The following PCSK5 variants were observed in gnomAD, a reference collection of about 807,000 sequenced individuals.
PCSK5 encodes prohormone convertase 5.
PCSK5 carries 129 observed loss-of-function variants against 233.2 expected under a neutral mutation model. The ratio of observed to expected loss-of-function variants is 0.55; its 90% CI spans 0.48 to 0.64. PCSK5 has a LOEUF of 0.64. Among genes scored for constraint, PCSK5 ranks in the 30% least tolerant of loss-of-function variants. The probability of loss-of-function intolerance (pLI) is 0.00; values close to 1 mark genes in which losing one functional copy is unlikely to be tolerated. For synonymous variants in PCSK5, 825 were observed against 879.2 expected (o/e 0.94, Z 1.09); for missense variants, 2,076 against 2,430.1 (o/e 0.85, Z 3.06).
At chr9:76,068,188 AC>A in intron 6 of PCSK5, 145 bp downstream of exon 6, 1 of 588,354 alleles carries the variant, frequency 1.7e-6, no homozygotes, top group Non-Finnish European at 3.1e-6. Context: ...CCCCAACATG[AC>A]CATGTTAGCA....
At chr9:76,235,955 G>A (rs192690710) in intron 22 of PCSK5, among the ~76,000 whole-genome samples, 2 of 152,194 alleles carry the variant, frequency 1.3e-5, no homozygotes, top group African/African-American at 4.8e-5. Flanking sequence ...TCCAGCCGGG[G>A]TGTCCCATCA....
intron 1 of PCSK5, among the ~76,000 whole-genome samples, chr9:75,909,549 T>G (rs62559223): frequency 0.11 from 16,672 of 151,530 alleles, 1,362 homozygotes; most frequent in African/African-American, 0.23. Flanking sequence ...TACAAAATTA[T>G]CCAGGTGTGG....
At chr9:75,950,182 T>A (rs1824789300) in intron 2 of PCSK5, among the ~76,000 whole-genome samples, 1 of 148,190 alleles carries the variant, frequency 6.7e-6, no homozygotes. Flanking sequence ...ACAGCTAACC[T>A]CAGAGCTGCC....
rs1830446054 is a variant in PCSK5 at position 76,362,545 on chromosome 9, A to G, written c.*3623A>G. 6.6e-6 allele frequency among the ~76,000 whole-genome samples: 1 copy of G among 152,206 alleles called. No individual in the cohort carries two copies. The highest frequency in any genetic ancestry group is 1.5e-5 in the Non-Finnish European group (1 of 68,026). On this transcript the variant is annotated 3_prime_UTR_variant, in exon 38 of 38. Coordinates refer to ENST00000674117, the MANE Select transcript of PCSK5 (RefSeq NM_001372043.1). ...CAATCTGTCTTTCTGCCTCATCAGC[A>G]CTGCCTCAATCTAAGGGAGGAAACC...
chr9:75,979,902 T>C (rs1826201216), intron 2 of PCSK5, among the ~76,000 whole-genome samples: 1 of 152,238 alleles, frequency 6.6e-6, no homozygotes, highest in Non-Finnish European at 1.5e-5. Flanking sequence ...GCTGTTTTGT[T>C]CACTGCCATC....
At chr9:75,948,319 C>T (rs1824677619) in intron 2 of PCSK5, among the ~76,000 whole-genome samples, 1 of 142,216 alleles carries the variant, frequency 7.0e-6, no homozygotes, top group South Asian at 2.5e-4. Flanking sequence ...CGCCCCCCCA[C>T]CCCCCGAAAG....
intron 4 of PCSK5, 48 bp from the exon 5 acceptor site, chr9:76,026,913 T>C: frequency 7.7e-7 from 1 of 1,291,712 alleles, no homozygotes; most frequent in Non-Finnish European, 1.1e-6. Context: ...ATTGGCTAAT[T>C]AATGAATGTC....
At chr9:76,181,962 G>A (rs1029476059) in intron 16 of PCSK5, among the ~76,000 whole-genome samples, 3 of 152,194 alleles carry the variant, frequency 2.0e-5, no homozygotes, top group South Asian at 2.1e-4. Context: ...AATGCGTGAC[G>A]ACGTGCATGA....
At chr9:76,032,987 A>G (rs772636411) in intron 5 of PCSK5, among the ~76,000 whole-genome samples, 23 of 152,184 alleles carry the variant, frequency 1.5e-4, no homozygotes, top group South Asian at 6.2e-4. Flanking sequence ...TAGATTTTTC[A>G]TGTTGTTTCT....
At chr9:76,257,930 A>G (rs2842472) in intron 24 of PCSK5, among the ~76,000 whole-genome samples, 36,606 of 152,150 alleles carry the variant, frequency 0.24, 4,543 homozygotes, top group Middle Eastern at 0.35. Flanking sequence ...TTTTCCATAA[A>G]GACAGTGTGT....
At position 76,026,957 on chromosome 9, in the gene PCSK5, A is replaced by G. The variant is rs1828450817; in HGVS notation, c.556-4A>G. 2.5e-6 allele frequency: 4 copies of G among 1,607,064 alleles called. No homozygotes were observed. The highest frequency in any genetic ancestry group is 3.4e-6 in the Non-Finnish European group (4 of 1,175,014). ...TTCCCTTGCTCTCTCCTCTGTGGCC[A>G]TAGGATGCTCTGGCAAGTTGCGACG... On this transcript the variant is annotated splice_region_variant and splice_polypyrimidine_tract_variant and intron_variant, in intron 4 of 37. Transcript: ENST00000674117.
At chr9:76,209,855 CAG>C (rs574058963) in intron 20 of PCSK5, among the ~76,000 whole-genome samples, 6 of 151,856 alleles carry the variant, frequency 4.0e-5, no homozygotes, top group Non-Finnish European at 8.8e-5. Flanking sequence ...CAACCAAGCA[CAG>C]AAAGAATTAA....
chr9:75,993,788 A>C (rs764283509), intron 3 of PCSK5, among the ~76,000 whole-genome samples: 2 of 152,230 alleles, frequency 1.3e-5, no homozygotes, highest in Non-Finnish European at 2.9e-5. Flanking sequence ...TAAATCACAC[A>C]GAAAGCACTT....
intron 5 of PCSK5, among the ~76,000 whole-genome samples, chr9:76,066,790 G>A (rs1830303663): frequency 6.6e-6 from 1 of 152,196 alleles, no homozygotes; most frequent in African/African-American, 2.4e-5. Context: ...TAGTTGCACA[G>A]AGAGTAGTGG....
chr9:76,311,270 T>C (rs1242733875), intron 30 of PCSK5, among the ~76,000 whole-genome samples: 1 of 151,850 alleles, frequency 6.6e-6, no homozygotes, highest in East Asian at 1.9e-4. Flanking sequence ...GGTGGGAGGA[T>C]TCCTTGAGCC....
rs375328124 is a variant in PCSK5 at position 76,023,893 on chromosome 9, C to A, written c.555+12C>A. ...TGATGCAAAACTACGTGAGTGTATGCTGTGGTTAGAAGGTCTTTCCTTCTG... is the reference window on the plus strand; with the variant it reads ...TGATGCAAAACTACGTGAGTGTATGATGTGGTTAGAAGGTCTTTCCTTCTG... On this transcript the variant is annotated intron_variant, in intron 4 of 37. Coordinates refer to ENST00000674117, the MANE Select transcript of PCSK5 (RefSeq NM_001372043.1). The A allele has an allele frequency of 6.3e-5, 100 of 1,597,254 alleles. No homozygotes were observed. Among genetic ancestry groups the A allele is most frequent in the Non-Finnish European group, 8.2e-5 (96 of 1,172,032 alleles).
At chr9:76,213,942 G>T (rs577860026) in intron 20 of PCSK5, among the ~76,000 whole-genome samples, 1 of 152,130 alleles carries the variant, frequency 6.6e-6, no homozygotes, top group Admixed American at 6.5e-5. Flanking sequence ...AATCTGATTT[G>T]CAGTTCAACA....
In PCSK5 at chr9:76,277,162, G is replaced by T. The variant is rs116074722; in HGVS notation, c.3143-15071G>T. Among the ~76,000 whole-genome samples the T allele has an allele frequency of 1.0e-3, 157 of 152,170 alleles. 2 individuals carry two copies. Among genetic ancestry groups the T allele is most frequent in the Non-Finnish European group, 2.1e-3 (140 of 67,990 alleles). On this transcript the variant is annotated intron_variant, in intron 24 of 37. Coordinates refer to ENST00000674117, the MANE Select transcript of PCSK5 (RefSeq NM_001372043.1). ...GGAGAATCGCCTGAATCTGGGAGCC[G>T]GAGGTTGCAGTGAGATCATGCCACT...
At chr9:76,045,963 T>G (rs1405324766) in intron 5 of PCSK5, among the ~76,000 whole-genome samples, 2 of 152,114 alleles carry the variant, frequency 1.3e-5, no homozygotes, top group African/African-American at 2.4e-5. Flanking sequence ...GCAATTATTG[T>G]TCATAACTAC....
Sources: gnomAD v4.1 joint callset for allele counts (sites outside exome capture counted in the v4.1 genomes callset) on GRCh38, gnomAD v4.1.1 for gene constraint, MANE v1.5 for transcripts, NCBI Gene and HGNC (gene_info 2026-07-23, HGNC 2026-07-21) for gene names.